Variants in TMEM132D observed in about 807,000 individuals in gnomAD.
TMEM132D encodes the protein mature OL transmembrane protein.
A neutral mutation model predicts 62.3 loss-of-function variants in TMEM132D; 21 were observed. That is an observed-to-expected ratio of 0.34 (90% CI 0.24 to 0.49). The LOEUF (loss-of-function observed/expected upper bound fraction) is 0.49, where lower values mean the gene tolerates loss of function less well. Among genes scored for constraint, TMEM132D ranks in the 20% least tolerant of loss-of-function variants. The pLI is 0.99. For missense variants in TMEM132D, 1,346 were observed against 1,402.8 expected, an observed-to-expected ratio of 0.96 and a Z score of 0.65; for synonymous variants, 621 against 575.6, an observed-to-expected ratio of 1.08 and a Z score of -1.13.
At chr12:129,889,277 G>T (rs191015902) in intron 1 of TMEM132D, among the ~76,000 whole-genome samples, 1 of 152,162 alleles carries the variant, frequency 6.6e-6, no homozygotes, top group East Asian at 1.9e-4. Flanking sequence ...GTTCTTCTAC[G>T]TTCCCCAGTC....
chr12:129,266,235 G>A (rs1449031993), intron 4 of TMEM132D, among the ~76,000 whole-genome samples: 1 of 152,104 alleles, frequency 6.6e-6, no homozygotes, highest in African/African-American at 2.4e-5. Flanking sequence ...GCTAATGGAT[G>A]TCCTACGGCC....
At chr12:129,571,295 G>A (rs1877505670) in intron 2 of TMEM132D, among the ~76,000 whole-genome samples, 1 of 152,194 alleles carries the variant, frequency 6.6e-6, no homozygotes, top group Admixed American at 6.5e-5. Context: ...GCCGGGCGTG[G>A]TGGTTCACGC....
At chr12:129,412,313 T>C (rs1040709588) in intron 3 of TMEM132D, among the ~76,000 whole-genome samples, 2 of 152,258 alleles carry the variant, frequency 1.3e-5, no homozygotes, top group South Asian at 4.1e-4. Context: ...TAGCTGTCTA[T>C]GCAAAATCCA....
chr12:129,215,462 T>C lies in TMEM132D; in HGVS notation c.1300-5799A>G, dbSNP rs565909454. Among the ~76,000 whole-genome samples, 297 of 152,320 alleles carry C rather than the reference T, an allele frequency of 1.9e-3. 2 individuals are homozygous for C. The highest frequency in any genetic ancestry group is 6.5e-3 in the African/African-American group (269 of 41,576). On this transcript the variant is annotated intron_variant, in intron 4 of 8. Coordinates refer to ENST00000422113, the MANE Select transcript of TMEM132D (RefSeq NM_133448.3). ...TCCCTTTGTAACAAACCTGCACATGTACTCCTTAATTTAAAATAAGAGTTA... is the reference window on the plus strand; with the variant it reads ...TCCCTTTGTAACAAACCTGCACATGCACTCCTTAATTTAAAATAAGAGTTA...
At chr12:129,440,310 A>C (rs558198521) in intron 3 of TMEM132D, among the ~76,000 whole-genome samples, 2 of 152,128 alleles carry the variant, frequency 1.3e-5, no homozygotes, top group Non-Finnish European at 2.9e-5. Context: ...ACAAGGGGGT[A>C]ATGGAGATGG....
chr12:129,424,689 CAG>C (rs1872439250), intron 3 of TMEM132D, among the ~76,000 whole-genome samples: 1 of 98,586 alleles, frequency 1.0e-5, no homozygotes, highest in Non-Finnish European at 1.8e-5. Context: ...GCCTGGGTGA[CAG>C]AGCGAGACTC....
At chr12:129,153,007 A>G (rs1877120732) in intron 5 of TMEM132D, among the ~76,000 whole-genome samples, 1 of 152,148 alleles carries the variant, frequency 6.6e-6, no homozygotes, top group African/African-American at 2.4e-5. Context: ...GAGCTCTGGC[A>G]ACACCACCTC....
At chr12:129,713,409 T>C (rs1193727707) in intron 1 of TMEM132D, among the ~76,000 whole-genome samples, 3 of 152,030 alleles carry the variant, frequency 2.0e-5, no homozygotes, top group African/African-American at 7.2e-5. Flanking sequence ...TTTGTTGTTT[T>C]TTTTTTTAAT....
intron 1 of TMEM132D, among the ~76,000 whole-genome samples, chr12:129,892,305 A>C (rs1417471472): frequency 6.6e-6 from 1 of 152,188 alleles, no homozygotes; most frequent in Non-Finnish European, 1.5e-5. Context: ...AAGAGGAAAA[A>C]TCTATGTTTA....
At chr12:129,257,453 C>G (rs1194486732) in intron 4 of TMEM132D, among the ~76,000 whole-genome samples, 1 of 152,150 alleles carries the variant, frequency 6.6e-6, no homozygotes, top group Non-Finnish European at 1.5e-5. Context: ...TCGTGATCTG[C>G]CCGCCTCGGC....
chr12:129,166,362 G>A (rs1284557117), intron 5 of TMEM132D, among the ~76,000 whole-genome samples: 2 of 152,078 alleles, frequency 1.3e-5, no homozygotes, highest in Admixed American at 6.6e-5. Context: ...GCATGAATGC[G>A]GGCGGAGCTC....
intron 5 of TMEM132D, among the ~76,000 whole-genome samples, chr12:129,132,101 T>A: frequency 6.6e-6 from 1 of 152,196 alleles, no homozygotes; most frequent in Middle Eastern, 3.2e-3. Context: ...CAATAAGTAA[T>A]TTATAAGGCA....
intron 4 of TMEM132D, among the ~76,000 whole-genome samples, chr12:129,283,857 T>C (rs1176248288): frequency 6.6e-6 from 1 of 152,246 alleles, no homozygotes; most frequent in Non-Finnish European, 1.5e-5. Flanking sequence ...TCCTCCTCTC[T>C]GTGTACATGC....
At chr12:129,772,930 C>T (rs147409756) in intron 1 of TMEM132D, among the ~76,000 whole-genome samples, 147 of 152,322 alleles carry the variant, frequency 9.7e-4, no homozygotes, top group African/African-American at 3.3e-3. Context: ...TAGATGCTGA[C>T]AGAGTGCGCA....
intron 1 of TMEM132D, among the ~76,000 whole-genome samples, chr12:129,786,853 T>C (rs1325172387): frequency 6.6e-6 from 1 of 152,172 alleles, no homozygotes; most frequent in Non-Finnish European, 1.5e-5. Context: ...ATAGTGCCAC[T>C]GTGCTCCAGC....
At chr12:129,116,406 T>C (rs115217333) in intron 5 of TMEM132D, among the ~76,000 whole-genome samples, 1,634 of 152,182 alleles carry the variant, frequency 0.011, 28 homozygotes, top group African/African-American at 0.037. Context: ...TGGAGAATGA[T>C]AGTAATAAAA....
At chr12:129,644,379 G>A (rs537776290) in intron 2 of TMEM132D, among the ~76,000 whole-genome samples, 1 of 152,188 alleles carries the variant, frequency 6.6e-6, no homozygotes, top group South Asian at 2.1e-4. Context: ...TTTGCTCCAC[G>A]TACATATTTC....
At chr12:129,222,128 A>G (rs557629317) in intron 4 of TMEM132D, among the ~76,000 whole-genome samples, 8 of 152,332 alleles carry the variant, frequency 5.3e-5, no homozygotes, top group African/African-American at 1.4e-4. Context: ...AAATAATAAA[A>G]TAAAATAATT....
At chr12:129,885,197 C>T (rs558935352) in intron 1 of TMEM132D, among the ~76,000 whole-genome samples, 15 of 152,278 alleles carry the variant, frequency 9.9e-5, no homozygotes, top group African/African-American at 2.4e-4. Context: ...ATTTTGGCAA[C>T]GGTTACCAGA....
Sources: gnomAD v4.1 joint callset for allele counts (sites outside exome capture counted in the v4.1 genomes callset) on GRCh38, gnomAD v4.1.1 for gene constraint, MANE v1.5 for transcripts, NCBI Gene and HGNC (gene_info 2026-07-23, HGNC 2026-07-21) for gene names.